The following POU2F1 variants were observed in gnomAD, a reference collection of about 807,000 sequenced individuals.
POU2F1 encodes POU class 2 homeobox 1, also known as POU domain, class 2, transcription factor 1.
A neutral mutation model predicts 84.9 loss-of-function variants in POU2F1; 16 were observed. That is an observed-to-expected ratio of 0.19 (90% CI 0.13 to 0.29). The LOEUF (loss-of-function observed/expected upper bound fraction) is 0.29, where lower values mean the gene tolerates loss of function less well. Among genes scored for constraint, POU2F1 ranks in the 10% least tolerant of loss-of-function variants. The pLI is 1.00. For synonymous variants in POU2F1, 368 were observed against 368.3 expected (o/e 1.00, Z 0.01); for missense variants, 738 against 942.6 (o/e 0.78, Z 2.84).
At chr1:167,412,392 A>T (rs952226258) in intron 14 of POU2F1, 88 bp downstream of exon 14, 8 of 1,140,094 alleles carry the variant, frequency 7.0e-6, no homozygotes, top group Middle Eastern at 2.8e-4. Context: ...ACTGACTTAG[A>T]TGGGGAAAAA....
chr1:167,415,910 G>T lies in POU2F1; in HGVS notation c.*100G>T. 9.0e-7 allele frequency: 1 copy of T among 1,113,752 alleles called. No homozygotes were observed. Among genetic ancestry groups the T allele is most frequent in the Non-Finnish European group, 1.3e-6 (1 of 795,722 alleles). The allele number at this position is 1,113,752 out of a possible 1,614,324, so 69.0% of individuals were successfully genotyped here. A position where few individuals can be genotyped will look rare whatever the true frequency, so the allele number is the denominator to read the frequency against. The stretch of plus-strand genomic sequence containing the variant: ...TGAAAAATGTGATTGGCTTCCTCTC[G>T]CCGTGTTGTGAGGGCAAAGGAGAGA... On this transcript the variant is annotated 3_prime_UTR_variant, in exon 16 of 16. Transcript: ENST00000367866.
chr1:167,233,747 G>A (rs1344788905), intron 1 of POU2F1, among the ~76,000 whole-genome samples: 1 of 152,208 alleles, frequency 6.6e-6, no homozygotes, highest in African/African-American at 2.4e-5. Context: ...ATGAGATTTA[G>A]CTGAAGAGCC....
rs1024820948 is a variant in POU2F1, at chr1:167,396,589, A to G, written c.1129+162A>G. On this transcript the variant is annotated intron_variant, in intron 10 of 15. Transcript: ENST00000367866. ...ATTATAAATTATGGTGATATAAATC[A>G]GAAAGCTGATTCATTTAAATATTCT... is the stretch of plus-strand genomic sequence containing the variant. 1.9e-4 allele frequency: 135 copies of G among 696,510 alleles called. 1 individual carries two copies. Among genetic ancestry groups the G allele is most frequent in the Admixed American group, 6.1e-5 (2 of 32,696 alleles). The allele number at this position is 696,510 out of a possible 1,614,324, so 43.1% of individuals were successfully genotyped here. A position where few individuals can be genotyped will look rare whatever the true frequency, so the allele number is the denominator to read the frequency against.
At chr1:167,250,519 T>G (rs1428874112) in intron 1 of POU2F1, among the ~76,000 whole-genome samples, 5 of 152,202 alleles carry the variant, frequency 3.3e-5, no homozygotes, top group Non-Finnish European at 7.3e-5. Flanking sequence ...AGAAAAAAAG[T>G]AATCTTGTGT....
chr1:167,376,023 T>C lies in POU2F1; in HGVS notation c.592-6T>C. 6.2e-7 allele frequency: 1 copy of C among 1,613,902 alleles called. No individual in the cohort carries two copies. Among genetic ancestry groups the C allele is most frequent in the Non-Finnish European group, 8.5e-7 (1 of 1,179,912 alleles). On this transcript the variant is annotated splice_region_variant and splice_polypyrimidine_tract_variant and intron_variant, in intron 6 of 15. Transcript: ENST00000367866. ...TCCAATCCATGTTTTAATTCCAATT[T>C]TTCAGGATCTTCAACAACTGCAACA...
intron 11 of POU2F1, 30 bp from the exon 12 acceptor site, chr1:167,399,156 C>T: frequency 1.3e-6 from 2 of 1,573,162 alleles, no homozygotes; most frequent in Admixed American, 1.8e-5. Context: ...CAAAGGATAG[C>T]TTTTGGAATT....
chr1:167,315,377 TC>T (rs1476360235), intron 1 of POU2F1, among the ~76,000 whole-genome samples: 17 of 152,218 alleles, frequency 1.1e-4, no homozygotes, highest in African/African-American at 3.9e-4. Flanking sequence ...TGTTGACTTG[TC>T]ATCCTCTTTA....
intron 1 of POU2F1, among the ~76,000 whole-genome samples, chr1:167,231,729 C>T (rs1281168938): frequency 1.3e-5 from 2 of 152,118 alleles, no homozygotes; most frequent in African/African-American, 2.4e-5. Context: ...GAGTAGAATA[C>T]GAGAGATTTG....
chr1:167,250,511 A>G (rs1322028216), intron 1 of POU2F1, among the ~76,000 whole-genome samples: 1 of 152,216 alleles, frequency 6.6e-6, no homozygotes, highest in Non-Finnish European at 1.5e-5. Flanking sequence ...AACATTAGAG[A>G]AAAAAAGTAA....
chr1:167,278,420 A>G (rs941457271), intron 1 of POU2F1, among the ~76,000 whole-genome samples: 3 of 152,198 alleles, frequency 2.0e-5, no homozygotes, highest in Non-Finnish European at 4.4e-5. Flanking sequence ...CACCTGGCAC[A>G]TGGTAGGGAT....
At chr1:167,365,626 G>A (rs930908497) in intron 3 of POU2F1, 59 bp downstream of exon 3, 23 of 1,256,942 alleles carry the variant, frequency 1.8e-5, no homozygotes, top group Non-Finnish European at 2.5e-5. Flanking sequence ...AAAGTACTGG[G>A]GCCTGAGGAA....
At chr1:167,254,703 A>G (rs900107146) in intron 1 of POU2F1, among the ~76,000 whole-genome samples, 1 of 152,214 alleles carries the variant, frequency 6.6e-6, no homozygotes, top group African/African-American at 2.4e-5. Flanking sequence ...AGTTCTCATT[A>G]TCAGAGAAAA....
chr1:167,240,793 A>C (rs552191463), intron 1 of POU2F1, among the ~76,000 whole-genome samples: 83 of 152,324 alleles, frequency 5.4e-4, no homozygotes, highest in African/African-American at 1.9e-3. Flanking sequence ...GTGGAAATCC[A>C]TTCAGAACCC....
At chr1:167,364,466 C>T (rs1198799532) in intron 2 of POU2F1, among the ~76,000 whole-genome samples, 1 of 110,002 alleles carries the variant, frequency 9.1e-6, no homozygotes, top group Non-Finnish European at 1.7e-5. Context: ...GGAGGCGGAG[C>T]TTGCAGTGAG....
intron 8 of POU2F1, among the ~76,000 whole-genome samples, chr1:167,384,254 T>C (rs1647791049): frequency 6.6e-6 from 1 of 152,176 alleles, no homozygotes; most frequent in Admixed American, 6.5e-5. Flanking sequence ...CCACTTAAAC[T>C]GGAAACCTAG....
At chr1:167,355,530 CA>C (rs984221711) in intron 2 of POU2F1, among the ~76,000 whole-genome samples, 2 of 151,460 alleles carry the variant, frequency 1.3e-5, no homozygotes, top group African/African-American at 4.9e-5. Flanking sequence ...CCCTCTGCTC[CA>C]AAAAAAAGAC....
chr1:167,363,366 G>A (rs962561478), intron 2 of POU2F1, among the ~76,000 whole-genome samples: 11 of 152,076 alleles, frequency 7.2e-5, no homozygotes, highest in African/African-American at 2.7e-4. Context: ...TTTCTCTAAT[G>A]GTGAACAGTC....
intron 2 of POU2F1, among the ~76,000 whole-genome samples, chr1:167,337,364 G>C (rs146754621): frequency 4.9e-4 from 74 of 152,048 alleles, no homozygotes; most frequent in African/African-American, 1.7e-3. Flanking sequence ...GCTTTTATGT[G>C]GGTGCAGGAT....
At position 167,241,834 on chromosome 1, in the gene POU2F1, A is replaced by G. The variant is rs1049660574; in HGVS notation, c.61+20876A>G. 3.9e-5 allele frequency among the ~76,000 whole-genome samples: 6 copies of G among 152,246 alleles called. 1 individual carries two copies. The South Asian group carries it at 6.2e-4, about 16-fold the overall frequency. ...AGTTAGGTAATTTCAAAAAGTTAAC[A>G]TAACTGGAAAGTGGTAGTGTTAAAA... On this transcript the variant is annotated intron_variant, in intron 1 of 15. Transcript: ENST00000367866.
Sources: allele counts gnomAD v4.1 joint callset (sites outside exome capture counted in the v4.1 genomes callset), GRCh38; gene constraint gnomAD v4.1.1; transcripts MANE v1.5; gene names NCBI Gene and HGNC (gene_info 2026-07-23, HGNC 2026-07-21).